The following PCDHGA3 variants were observed in gnomAD, a reference collection of about 807,000 sequenced individuals.
PCDHGA3 encodes protocadherin gamma subfamily A, 3, also known as protocadherin gamma-A3.
Under a neutral mutation model 58.5 loss-of-function variants are expected in PCDHGA3, and 40 were observed. That is an observed-to-expected ratio of 0.68 (90% CI 0.53 to 0.89). The LOEUF is 0.89. PCDHGA3 is among the 40% of genes least tolerant of loss of function. The pLI is 0.00. For missense variants in PCDHGA3, 1,223 were observed against 1,195.9 expected, an observed-to-expected ratio of 1.02 and a Z score of -0.33; for synonymous variants, 530 against 525.7, an observed-to-expected ratio of 1.01 and a Z score of -0.11.
chr5:141,408,338 G>C, intron 1 of PCDHGA3: 1 of 1,613,958 alleles, frequency 6.2e-7, no homozygotes, highest in Non-Finnish European at 8.5e-7. Context: ...CAAGGGCTCG[G>C]TGGTGGGGAA....
chr5:141,459,557 A>G (rs1052669136), intron 1 of PCDHGA3, among the ~76,000 whole-genome samples: 1 of 152,224 alleles, frequency 6.6e-6, no homozygotes, highest in East Asian at 1.9e-4. Context: ...TCTTGGATAA[A>G]TACCCCAAAA....
intron 1 of PCDHGA3, chr5:141,422,893 C>T (rs1405800318): frequency 3.1e-6 from 5 of 1,614,128 alleles, no homozygotes; most frequent in Admixed American, 3.3e-5. Flanking sequence ...CGTGCTGGAC[C>T]AGAACGACAA....
chr5:141,353,671 A>T (rs1759350441), intron 1 of PCDHGA3, among the ~76,000 whole-genome samples: 1 of 152,202 alleles, frequency 6.6e-6, no homozygotes, highest in African/African-American at 2.4e-5. Flanking sequence ...TGTAATGAAC[A>T]TTTGGGTTTA....
At chr5:141,509,069 G>T (rs1463164307) in intron 3 of PCDHGA3, among the ~76,000 whole-genome samples, 1 of 152,174 alleles carries the variant, frequency 6.6e-6, no homozygotes, top group Non-Finnish European at 1.5e-5. Flanking sequence ...CTCAGCTCCG[G>T]GGATTTGCGA....
At chr5:141,504,990 C>T (rs1056476591) in intron 2 of PCDHGA3, among the ~76,000 whole-genome samples, 3 of 151,976 alleles carry the variant, frequency 2.0e-5, no homozygotes, top group Non-Finnish European at 2.9e-5. Context: ...GGTGAAACCC[C>T]GTCTGTACTA....
rs1208504589 is a variant in PCDHGA3, at chr5:141,431,631, T to C, written c.2425-63176T>C. On this transcript the variant is annotated intron_variant, in intron 1 of 3. Coordinates refer to ENST00000253812, the MANE Select transcript of PCDHGA3 (RefSeq NM_018916.4). The surrounding 1 kb of genome is among the most constrained non-coding windows in gnomAD (Gnocchi z 4.8). ...TATGTGGACGACAAGGCGGCCCAAG[T>C]TTTCAAACTAGATTGTAATTCAGGG... The C allele has an allele frequency of 6.2e-6, 10 of 1,614,132 alleles. No individual in the cohort carries two copies. Among genetic ancestry groups the C allele is most frequent in the Non-Finnish European group, 8.5e-6 (10 of 1,180,016 alleles).
rs566234229 is a variant in PCDHGA3, at chr5:141,351,445, G to C, written c.2424+4988G>C. ...CTTTCAAATTAGAATCCACCTCGAA[G>C]AATTATTACAAGCTGGTGATTGCTG... On this transcript the variant is annotated intron_variant, in intron 1 of 3. Coordinates refer to ENST00000253812, the MANE Select transcript of PCDHGA3 (RefSeq NM_018916.4). The C allele has an allele frequency of 1.4e-5, 23 of 1,612,940 alleles. No homozygotes were observed. The highest frequency in any genetic ancestry group is 1.9e-5 in the Non-Finnish European group (22 of 1,179,352).
At chr5:141,382,897 A>G in intron 1 of PCDHGA3, 1 of 1,540,826 alleles carries the variant, frequency 6.5e-7, no homozygotes, top group East Asian at 2.3e-5. Flanking sequence ...AAGCAGGACG[A>G]CTATGGCGGC....
At position 141,477,754 on chromosome 5, in the gene PCDHGA3, C is replaced by T. The variant is rs1325020341; in HGVS notation, c.2425-17053C>T. The T allele has an allele frequency of 3.7e-6, 6 of 1,613,928 alleles. No homozygotes were observed. Among genetic ancestry groups the T allele is most frequent in the Non-Finnish European group, 5.1e-6 (6 of 1,180,046 alleles). On this transcript the variant is annotated intron_variant, in intron 1 of 3. Coordinates refer to ENST00000253812, the MANE Select transcript of PCDHGA3 (RefSeq NM_018916.4). The surrounding 1 kb of genome is among the most constrained non-coding windows in gnomAD (Gnocchi z 4.9). Reference sequence around the variant, plus strand: ...ATATCAGCGATGGGGGCACCCCGGTCCTAGCCACCAACATCAGCGTGAACA... The same window carrying T: ...ATATCAGCGATGGGGGCACCCCGGTTCTAGCCACCAACATCAGCGTGAACA...
chr5:141,488,677 G>A (rs2099678276), intron 1 of PCDHGA3, among the ~76,000 whole-genome samples: 2 of 152,184 alleles, frequency 1.3e-5, no homozygotes, highest in African/African-American at 2.4e-5. Context: ...CATGGGCTTT[G>A]CCTCTCCCAG....
intron 1 of PCDHGA3, chr5:141,391,234 G>C (rs2092322160): frequency 6.6e-6 from 1 of 151,932 alleles, no homozygotes; most frequent in African/African-American, 2.4e-5. Context: ...CCTTTTGCTA[G>C]GTATATCTAA....
chr5:141,376,643 A>T, intron 1 of PCDHGA3: 1 of 1,013,992 alleles, frequency 9.9e-7, no homozygotes, highest in Non-Finnish European at 1.4e-6. Context: ...GATTTTGTAA[A>T]GTGGAAGACT....
chr5:141,372,646 C>G (rs1768939732), intron 1 of PCDHGA3: 1 of 1,614,008 alleles, frequency 6.2e-7, no homozygotes, highest in Non-Finnish European at 8.5e-7. Context: ...TTGCCTTATT[C>G]CTACAATCCG....
intron 2 of PCDHGA3, among the ~76,000 whole-genome samples, chr5:141,498,962 A>G (rs1257746192): frequency 8.0e-6 from 1 of 124,866 alleles, no homozygotes; most frequent in Non-Finnish European, 1.7e-5. Context: ...AGAGAGAGGG[A>G]GGGAGGGAGG....
chr5:141,420,905 T>TA (rs545324172), intron 1 of PCDHGA3: 3 of 299,970 alleles, frequency 1.0e-5, no homozygotes, highest in Non-Finnish European at 1.9e-5. Flanking sequence ...GCTCTACAAA[T>TA]ACGTGTGATT....
intron 1 of PCDHGA3, among the ~76,000 whole-genome samples, chr5:141,382,372 T>C (rs1402923188): frequency 6.6e-6 from 1 of 152,242 alleles, no homozygotes; most frequent in Non-Finnish European, 1.5e-5. Context: ...TTTACCTTTT[T>C]GCCTTCAATA....
At position 141,476,304 on chromosome 5, in the gene PCDHGA3, C is replaced by T. The variant is rs769790423; in HGVS notation, c.2425-18503C>T. On this transcript the variant is annotated intron_variant, in intron 1 of 3. Coordinates refer to ENST00000253812, the MANE Select transcript of PCDHGA3 (RefSeq NM_018916.4). The surrounding 1 kb of genome is among the most constrained non-coding windows in gnomAD (Gnocchi z 7.6). Reference sequence around the variant, plus strand: ...GGTTTGGATCTCGGTAGCCTCTCAGCCCGCAGGTTCCGGGTGGTGTCTGGA... The same window carrying T: ...GGTTTGGATCTCGGTAGCCTCTCAGTCCGCAGGTTCCGGGTGGTGTCTGGA... The T allele has an allele frequency of 6.2e-7, 1 of 1,613,746 alleles. No individual in the cohort carries two copies. Among genetic ancestry groups the T allele is most frequent in the Admixed American group, 1.7e-5 (1 of 59,988 alleles).
Position 141,490,254 on chromosome 5 carries a change from G to A in PCDHGA3, c.2425-4553G>A. The A allele has an allele frequency of 6.2e-7, 1 of 1,614,236 alleles. No homozygotes were observed. Among genetic ancestry groups the A allele is most frequent in the Non-Finnish European group, 8.5e-7 (1 of 1,180,038 alleles). ...TGGAGGGCCACTGTGTGATTCAAGT[G>A]GATGTGGGGGATGTCAATGACAATG... On this transcript the variant is annotated intron_variant, in intron 1 of 3. Coordinates refer to ENST00000253812, the MANE Select transcript of PCDHGA3 (RefSeq NM_018916.4). The surrounding 1 kb of genome is among the most constrained non-coding windows in gnomAD (Gnocchi z 5.4).
In PCDHGA3 at chr5:141,356,633, A is replaced by T. The variant is rs778939547; in HGVS notation, c.2424+10176A>T. 26 of 1,613,986 alleles carry T rather than the reference A, an allele frequency of 1.6e-5. No individual in the cohort carries two copies. The South Asian group carries it at 2.7e-4, about 17-fold the overall frequency. ...TCCATCTTATCTATGACTGCTCAAGACCCTGACAGTGGTGACAATGCCCGA... is the reference window on the plus strand; with the variant it reads ...TCCATCTTATCTATGACTGCTCAAGTCCCTGACAGTGGTGACAATGCCCGA... On this transcript the variant is annotated intron_variant, in intron 1 of 3. Transcript: ENST00000253812.
Sources: allele counts gnomAD v4.1 joint callset (sites outside exome capture counted in the v4.1 genomes callset), GRCh38; gene constraint gnomAD v4.1.1; non-coding constraint Gnocchi (gnomAD v3.1); transcripts MANE v1.5; gene names NCBI Gene and HGNC (gene_info 2026-07-23, HGNC 2026-07-21).